The following FAM135A variants were observed in gnomAD, a reference collection of about 807,000 sequenced individuals.
FAM135A encodes protein FAM135A.
A neutral mutation model predicts 146.8 loss-of-function variants in FAM135A; 79 were observed. The ratio of observed to expected loss-of-function variants is 0.54; its 90% CI spans 0.45 to 0.65. The LOEUF is 0.65. FAM135A is among the 30% of genes least tolerant of loss of function. FAM135A has a pLI of 0.00. For missense variants in FAM135A, 1,623 were observed against 1,758.2 expected (o/e 0.92, Z 1.38); for synonymous variants, 562 against 603.6 (o/e 0.93, Z 1.01).
intron 5 of FAM135A, among the ~76,000 whole-genome samples, chr6:70,471,048 G>T (rs541346421): frequency 6.6e-6 from 1 of 152,150 alleles, no homozygotes; most frequent in South Asian, 2.1e-4. Flanking sequence ...TGGAAAATAC[G>T]GTATGATTGC....
rs1183100290 is a variant in FAM135A at position 70,560,805 on chromosome 6, T to C, written c.*884T>C. 3 of 152,576 alleles carry C rather than the reference T, an allele frequency of 2.0e-5. No homozygotes were observed. The highest frequency in any genetic ancestry group is 4.4e-5 in the Non-Finnish European group (3 of 67,990). 9.5% of individuals were successfully genotyped at this position (152,576 alleles called of 1,614,324 possible). On this transcript the variant is annotated 3_prime_UTR_variant, in exon 22 of 22. Transcript: ENST00000418814. ...TTTATGAATTTAGATAATTTTTAAATATTGTTAAAATTTATTGAACTAAAA... is the reference window on the plus strand; with the variant it reads ...TTTATGAATTTAGATAATTTTTAAACATTGTTAAAATTTATTGAACTAAAA...
At chr6:70,457,936 G>A (rs543303092) in intron 5 of FAM135A, among the ~76,000 whole-genome samples, 4 of 151,914 alleles carry the variant, frequency 2.6e-5, no homozygotes, top group Non-Finnish European at 2.9e-5. Flanking sequence ...TCTAGGTTCT[G>A]ATACGATCAG....
intron 11 of FAM135A, among the ~76,000 whole-genome samples, chr6:70,499,950 T>G (rs1788112470): frequency 6.6e-6 from 1 of 152,172 alleles, no homozygotes; most frequent in Non-Finnish European, 1.5e-5. Flanking sequence ...GAAGATTATG[T>G]GTTCTTGGGG....
At chr6:70,552,465 C>CTT (rs35509125) in intron 20 of FAM135A, among the ~76,000 whole-genome samples, 8 of 96,818 alleles carry the variant, frequency 8.3e-5, no homozygotes, top group Admixed American at 1.1e-4. Context: ...GTTGAAGATT[C>CTT]TTTTTTTTTT....
At chr6:70,540,942 T>A (rs1797803523) in intron 20 of FAM135A, among the ~76,000 whole-genome samples, 1 of 152,242 alleles carries the variant, frequency 6.6e-6, no homozygotes, top group South Asian at 2.1e-4. Context: ...AGGTTTTCAC[T>A]GCTCCCTTCA....
At chr6:70,495,874 G>C (rs1427625859) in intron 11 of FAM135A, among the ~76,000 whole-genome samples, 1 of 152,132 alleles carries the variant, frequency 6.6e-6, no homozygotes, top group Non-Finnish European at 1.5e-5. Context: ...ACTTATGAGT[G>C]AGAACATGCG....
At chr6:70,527,252 T>C (rs938017213) in intron 15 of FAM135A, among the ~76,000 whole-genome samples, 3 of 152,072 alleles carry the variant, frequency 2.0e-5, no homozygotes, top group Admixed American at 6.6e-5. Context: ...CAGTAAAATA[T>C]CCAGAAAAAT....
intron 4 of FAM135A, among the ~76,000 whole-genome samples, chr6:70,428,953 G>A (rs1341900175): frequency 1.3e-5 from 2 of 151,958 alleles, no homozygotes; most frequent in South Asian, 4.1e-4. Context: ...TTTATCAATG[G>A]TACCTATAAA....
At chr6:70,539,972 G>T (rs1797555688) in intron 20 of FAM135A, among the ~76,000 whole-genome samples, 1 of 152,272 alleles carries the variant, frequency 6.6e-6, no homozygotes, top group African/African-American at 2.4e-5. Flanking sequence ...CTCCAGGCTG[G>T]GAGACAGAGT....
chr6:70,457,975 G>C (rs1228833944), intron 5 of FAM135A, among the ~76,000 whole-genome samples: 1 of 151,910 alleles, frequency 6.6e-6, no homozygotes, highest in Non-Finnish European at 1.5e-5. Flanking sequence ...GAAATGTAGT[G>C]ATCTGATAGT....
rs2128185019 is a variant in FAM135A, at chr6:70,482,289, C to T, written c.823+135C>T. On this transcript the variant is annotated intron_variant, in intron 10 of 21. Transcript: ENST00000418814. Reference sequence around the variant, plus strand: ...TGTGTGCTTCACTTCTCTATCAATTCCATCTTTTTCTACCTTGATAATCAC... The same window carrying T: ...TGTGTGCTTCACTTCTCTATCAATTTCATCTTTTTCTACCTTGATAATCAC... The T allele has an allele frequency of 1.0e-5, 8 of 783,478 alleles. No homozygotes were observed. The South Asian group carries it at 2.4e-4, about 23-fold the overall frequency. 48.5% of individuals were successfully genotyped at this position (783,478 alleles called of 1,614,324 possible). A position where few individuals can be genotyped will look rare whatever the true frequency, so the allele number is the denominator to read the frequency against.
Position 70,450,180 on chromosome 6 carries a change from T to C in FAM135A, c.78-2312T>C, listed in dbSNP as rs534468160. On this transcript the variant is annotated intron_variant, in intron 4 of 21. Coordinates refer to ENST00000418814, the MANE Select transcript of FAM135A (RefSeq NM_001162529.3). ...TTAGTTCCTTATCAGATGTATGGTT[T>C]GCAAATATTTAAACTTTTTTTTTCC... Among the ~76,000 whole-genome samples the C allele has an allele frequency of 4.6e-5, 7 of 152,320 alleles. No homozygotes were observed. The East Asian group carries it at 1.3e-3, about 29-fold the overall frequency.
In FAM135A at chr6:70,423,487, G is replaced by C. The variant is rs529212401; in HGVS notation, c.-133-2952G>C. The stretch of plus-strand genomic sequence containing the variant: ...TCCATTTTTTTGCTTTACCGTTCTT[G>C]AGGACTTGGTCCTAATCTATGTGAT... On this transcript the variant is annotated intron_variant, in intron 2 of 21. Coordinates refer to ENST00000418814, the MANE Select transcript of FAM135A (RefSeq NM_001162529.3). 2.0e-5 allele frequency among the ~76,000 whole-genome samples: 3 copies of C among 152,314 alleles called. No homozygotes were observed. In the East Asian group the frequency reaches 5.8e-4, roughly 29 times the overall value.
At chr6:70,446,757 G>A (rs1387484487) in intron 4 of FAM135A, among the ~76,000 whole-genome samples, 2 of 152,158 alleles carry the variant, frequency 1.3e-5, no homozygotes, top group African/African-American at 4.8e-5. Context: ...AATACTCACG[G>A]CAGTGGTGAT....
At chr6:70,427,579 A>T (rs970852508) in intron 3 of FAM135A, among the ~76,000 whole-genome samples, 1 of 152,272 alleles carries the variant, frequency 6.6e-6, no homozygotes. Flanking sequence ...CATTATTGAC[A>T]TATATGTTCA....
chr6:70,550,124 G>A (rs1799551895), intron 20 of FAM135A, among the ~76,000 whole-genome samples: 1 of 152,168 alleles, frequency 6.6e-6, no homozygotes, highest in African/African-American at 2.4e-5. Context: ...CACCACATCT[G>A]CAGTTACTTT....
Position 70,526,311 on chromosome 6 carries a change from A to T in FAM135A, c.3227A>T (p.Asn1076Ile), listed in dbSNP as rs771864963. Reference protein sequence around the residue: ...QKETSEKEISNLQQEQDKEDE... With the variant: ...QKETSEKEISILQQEQDKEDE... ...GAAACTTCTGAAAAAGAAATTAGTA[A>T]TCTTCAGCAGGAACAGGATAAAGAG... The change falls in exon 15 of 22, where the codon AAT becomes ATT. Residue 1076 changes from asparagine to isoleucine, a missense_variant. Asn to Ile is a moderately radical substitution (Grantham distance 149, BLOSUM62 -3). This residue lies in a region of FAM135A where 1,061 missense variants were observed against 1,113.8 expected (regional missense o/e 0.95). Coordinates refer to ENST00000418814, the MANE Select transcript of FAM135A (RefSeq NM_001162529.3). 6.2e-7 allele frequency: 1 copy of T among 1,613,330 alleles called. No individual in the cohort carries two copies.
intron 4 of FAM135A, among the ~76,000 whole-genome samples, chr6:70,433,348 A>G (rs895460894): frequency 6.6e-6 from 1 of 152,194 alleles, no homozygotes; most frequent in African/African-American, 2.4e-5. Context: ...TGCTGGGATT[A>G]CAGGCATGAG....
intron 4 of FAM135A, among the ~76,000 whole-genome samples, chr6:70,441,681 G>A (rs1339636221): frequency 6.7e-6 from 1 of 149,126 alleles, no homozygotes; most frequent in Admixed American, 6.7e-5. Flanking sequence ...AACAGCATTA[G>A]CAAATTTTTT....
Sources: gnomAD v4.1 joint callset for allele counts (sites outside exome capture counted in the v4.1 genomes callset) on GRCh38, gnomAD v4.1.1 for gene constraint, gnomAD v4.1.1 regional missense constraint, MANE v1.5 for transcripts, NCBI Gene and HGNC (gene_info 2026-07-23, HGNC 2026-07-21) for gene names.